Variants in NWD2 observed in about 807,000 individuals in gnomAD.
NWD2 encodes the protein NACHT and WD repeat domain containing 2, also known as NACHT and WD repeat domain-containing protein 2.
A neutral mutation model predicts 132.7 loss-of-function variants in NWD2; 37 were observed. The observed-to-expected ratio is 0.28, with a 90% CI of 0.21 to 0.37. The LOEUF is 0.37. Among genes scored for constraint, NWD2 ranks in the 10% least tolerant of loss-of-function variants. The pLI, the probability that NWD2 is intolerant of heterozygous loss-of-function variation, is 1.00. For synonymous variants in NWD2, 705 were observed against 803.0 expected, an observed-to-expected ratio of 0.88 and a Z score of 2.06; for missense variants, 1,592 against 2,122.4, an observed-to-expected ratio of 0.75 and a Z score of 4.91.
rs1224118449 is a variant in NWD2, at chr4:37,443,247, T to A, written c.1297-38T>A. 1 of 1,475,868 alleles carries A rather than the reference T, an allele frequency of 6.8e-7. No individual in the cohort carries two copies. The highest frequency in any genetic ancestry group is 1.2e-5 in the South Asian group (1 of 80,050). 91.4% of individuals were successfully genotyped at this position (1,475,868 alleles called of 1,614,324 possible). A position where few individuals can be genotyped will look rare whatever the true frequency, so the allele number is the denominator to read the frequency against. On this transcript the variant is annotated intron_variant, in intron 6 of 6. Transcript: ENST00000309447. The surrounding 1 kb of genome is among the most constrained non-coding windows in gnomAD (Gnocchi z 4.1). Reference sequence around the variant, plus strand: ...ATGTTATCACATATGACCATGTGAATACATATTACCATTCTAAACTCCACT... The same window carrying A: ...ATGTTATCACATATGACCATGTGAAAACATATTACCATTCTAAACTCCACT...
chr4:37,399,659 T>C (rs1720864443), intron 3 of NWD2, among the ~76,000 whole-genome samples: 1 of 152,168 alleles, frequency 6.6e-6, no homozygotes, highest in East Asian at 1.9e-4. Context: ...TCTTTTGGGG[T>C]GGTAACATGG....
At chr4:37,411,153 A>G (rs1721147352) in intron 3 of NWD2, among the ~76,000 whole-genome samples, 2 of 152,226 alleles carry the variant, frequency 1.3e-5, no homozygotes, top group Non-Finnish European at 2.9e-5. Context: ...TCAGAGCAGA[A>G]CTGAAGGAGA....
At chr4:37,295,373 G>C (rs1031604679) in intron 1 of NWD2, among the ~76,000 whole-genome samples, 2 of 152,182 alleles carry the variant, frequency 1.3e-5, no homozygotes, top group Non-Finnish European at 2.9e-5. Flanking sequence ...AGCTCATTCT[G>C]TGTGGAAATA....
intron 3 of NWD2, among the ~76,000 whole-genome samples, chr4:37,414,196 T>C (rs530650604): frequency 6.6e-6 from 1 of 152,326 alleles, no homozygotes; most frequent in East Asian, 1.9e-4. Context: ...TTAAAACTTT[T>C]ATTTTAAAAA....
intron 2 of NWD2, among the ~76,000 whole-genome samples, chr4:37,341,485 T>G (rs1483572486): frequency 6.6e-6 from 1 of 152,142 alleles, no homozygotes; most frequent in African/African-American, 2.4e-5. Context: ...CGTGTGTGAG[T>G]GCATGTATGT....
chr4:37,399,374 A>G (rs1213219545), intron 3 of NWD2, among the ~76,000 whole-genome samples: 2 of 152,160 alleles, frequency 1.3e-5, no homozygotes, highest in Non-Finnish European at 2.9e-5. Context: ...TATTATTTTT[A>G]ATTCCAGACA....
intron 1 of NWD2, among the ~76,000 whole-genome samples, chr4:37,249,825 G>C (rs1560376637): frequency 6.6e-6 from 1 of 152,148 alleles, no homozygotes; most frequent in Non-Finnish European, 1.5e-5. Flanking sequence ...TCTTTTGTCT[G>C]CATGGCTTTG....
At chr4:37,388,455 A>G (rs1164578474) in intron 3 of NWD2, among the ~76,000 whole-genome samples, 1 of 152,234 alleles carries the variant, frequency 6.6e-6, no homozygotes, top group African/African-American at 2.4e-5. Context: ...AAGTGCTGGG[A>G]TTACAGGCGT....
At chr4:37,278,434 T>C (rs1718067579) in intron 1 of NWD2, among the ~76,000 whole-genome samples, 1 of 152,192 alleles carries the variant, frequency 6.6e-6, no homozygotes, top group African/African-American at 2.4e-5. Context: ...TTTACGCAGA[T>C]AAAATGCCAG....
chr4:37,278,587 G>A (rs1367789773), intron 1 of NWD2, among the ~76,000 whole-genome samples: 1 of 152,146 alleles, frequency 6.6e-6, no homozygotes, highest in East Asian at 1.9e-4. Flanking sequence ...ATGAAAAGTG[G>A]TATATCAGGA....
rs989525656 is a variant in NWD2 at position 37,410,775 on chromosome 4, C to G, written c.358-19797C>G. ...ACACTCCTCAGCCAATGCAAAAGAA[C>G]AGAAATCATAACAAACTGTCTCTCA... On this transcript the variant is annotated intron_variant, in intron 3 of 6. Transcript: ENST00000309447. Among the ~76,000 whole-genome samples the G allele has an allele frequency of 2.6e-5, 4 of 152,228 alleles. No homozygotes were observed. In the South Asian group the frequency reaches 6.2e-4, roughly 24 times the overall value.
rs535746040 is a variant in NWD2, at chr4:37,334,976, C to T, written c.240+8952C>T. Among the ~76,000 whole-genome samples the T allele has an allele frequency of 7.9e-5, 12 of 152,204 alleles. No homozygotes were observed. In the East Asian group the frequency reaches 2.1e-3, roughly 27 times the overall value. On this transcript the variant is annotated intron_variant, in intron 2 of 6. Transcript: ENST00000309447. ...TTGACTGTTGCCATGGGTACCCTGA[C>T]TATTCCCATTTCCTTCATCTCTGCC...
intron 1 of NWD2, among the ~76,000 whole-genome samples, chr4:37,318,020 C>CTTTTTTTTTTTTTTTTTT (rs71185128): frequency 6.2e-5 from 7 of 113,332 alleles, no homozygotes; most frequent in South Asian, 2.5e-4. Flanking sequence ...TTTTTTCTTT[C>CTTTTTTTTTTTTTTTTTT]TTTTTTTTTT....
intron 1 of NWD2, among the ~76,000 whole-genome samples, chr4:37,251,140 A>G (rs980090717): frequency 2.0e-5 from 3 of 152,120 alleles, no homozygotes; most frequent in African/African-American, 7.2e-5. Flanking sequence ...TTAGCTGAGC[A>G]TGGTGGTGGG....
chr4:37,385,259 AT>A (rs1448007569), intron 3 of NWD2, among the ~76,000 whole-genome samples: 27 of 152,156 alleles, frequency 1.8e-4, no homozygotes, highest in African/African-American at 6.5e-4. Flanking sequence ...ATCAGTAAAT[AT>A]TACATCTTTC....
At chr4:37,318,020 C>CTTTTTTTTTTTT (rs71185128) in intron 1 of NWD2, among the ~76,000 whole-genome samples, 22 of 113,358 alleles carry the variant, frequency 1.9e-4, no homozygotes, top group Non-Finnish European at 3.0e-4. Context: ...TTTTTTCTTT[C>CTTTTTTTTTTTT]TTTTTTTTTT....
intron 3 of NWD2, among the ~76,000 whole-genome samples, chr4:37,409,161 G>A (rs1039132462): frequency 6.6e-6 from 1 of 152,062 alleles, no homozygotes; most frequent in Non-Finnish European, 1.5e-5. Context: ...GAATGAGTTT[G>A]ACAAGTTGAC....
chr4:37,384,680 C>T (rs1434696685), intron 3 of NWD2, among the ~76,000 whole-genome samples: 5 of 152,174 alleles, frequency 3.3e-5, no homozygotes, highest in Non-Finnish European at 7.3e-5. Flanking sequence ...ACAGGCAGAG[C>T]TGAGAAACAG....
chr4:37,420,690 A>G (rs527673379), intron 3 of NWD2, among the ~76,000 whole-genome samples: 44 of 152,250 alleles, frequency 2.9e-4, no homozygotes, highest in Middle Eastern at 3.4e-3. Flanking sequence ...CTCAAAAACA[A>G]AAGAATAAAA....
Sources: gnomAD v4.1 joint callset for allele counts (sites outside exome capture counted in the v4.1 genomes callset) on GRCh38, gnomAD v4.1.1 for gene constraint, Gnocchi (gnomAD v3.1) non-coding constraint, MANE v1.5 for transcripts, NCBI Gene and HGNC (gene_info 2026-07-23, HGNC 2026-07-21) for gene names.